FAM227B: variants seen among roughly 807,000 people sequenced by gnomAD.
FAM227B encodes the protein family with sequence similarity 227 member B.
A neutral mutation model predicts 73.8 loss-of-function variants in FAM227B; 88 were observed. The ratio of observed to expected loss-of-function variants is 1.19; its 90% CI spans 1.00 to 1.42. The LOEUF (loss-of-function observed/expected upper bound fraction) is 1.42. Ranked by LOEUF, FAM227B falls within the 40% of genes most tolerant of loss-of-function variation. The pLI, the probability that FAM227B is intolerant of heterozygous loss-of-function variation, is 0.00. For missense variants in FAM227B, 632 were observed against 590.9 expected, an observed-to-expected ratio of 1.07 and a Z score of -0.72; for synonymous variants, 210 against 190.5, an observed-to-expected ratio of 1.10 and a Z score of -0.84.
intron 11 of FAM227B, chr15:49,422,731 T>C (rs1227958176): frequency 1.6e-6 from 2 of 1,287,660 alleles, no homozygotes; most frequent in Non-Finnish European, 1.1e-6. Context: ...ATATAATACA[T>C]AAAAATTGTA....
chr15:49,616,986 T>C (rs929839161), intron 1 of FAM227B, among the ~76,000 whole-genome samples: 3 of 152,164 alleles, frequency 2.0e-5, no homozygotes, highest in Non-Finnish European at 4.4e-5. Flanking sequence ...TTGTTGCTTT[T>C]CTTTAGTGCA....
At chr15:49,536,944 G>A (rs2070358561) in intron 10 of FAM227B, among the ~76,000 whole-genome samples, 1 of 151,930 alleles carries the variant, frequency 6.6e-6, no homozygotes, top group Admixed American at 6.6e-5. Context: ...CTAAATGTAA[G>A]ACACAAAGTC....
At chr15:49,545,765 A>G (rs1363715515) in intron 9 of FAM227B, among the ~76,000 whole-genome samples, 2 of 152,066 alleles carry the variant, frequency 1.3e-5, no homozygotes, top group African/African-American at 4.8e-5. Context: ...ATCATTCAGG[A>G]GCAGATTATT....
intron 11 of FAM227B, among the ~76,000 whole-genome samples, chr15:49,426,749 T>C (rs1426272507): frequency 1.3e-5 from 2 of 151,954 alleles, no homozygotes; most frequent in African/African-American, 4.8e-5. Flanking sequence ...CGCCCTATAT[T>C]GTTATAAATT....
chr15:49,372,936 A>T (rs2045940183), intron 11 of FAM227B, among the ~76,000 whole-genome samples: 2 of 152,268 alleles, frequency 1.3e-5, no homozygotes, highest in African/African-American at 4.8e-5. Context: ...GGGATTAAAG[A>T]ATTGGTTAGC....
chr15:49,477,349 T>C (rs375419919), intron 11 of FAM227B, among the ~76,000 whole-genome samples: 13 of 152,242 alleles, frequency 8.5e-5, no homozygotes, highest in African/African-American at 3.1e-4. Flanking sequence ...TTTTCTGCTC[T>C]CCTCAAGGCC....
chr15:49,485,848 A>G (rs1793404832), intron 11 of FAM227B: 9 of 152,088 alleles, frequency 5.9e-5, no homozygotes. Flanking sequence ...AAATTTAGTA[A>G]TTTTCTAATC....
chr15:49,474,048 G>A (rs1410842775), intron 11 of FAM227B, among the ~76,000 whole-genome samples: 1 of 151,958 alleles, frequency 6.6e-6, no homozygotes. Context: ...ATGTATTTTT[G>A]ATAGGCGAAC....
At chr15:49,393,328 G>A (rs2047344920) in intron 11 of FAM227B, among the ~76,000 whole-genome samples, 1 of 152,092 alleles carries the variant, frequency 6.6e-6, no homozygotes, top group Non-Finnish European at 1.5e-5. Flanking sequence ...GAGCCATTGT[G>A]CTCTAATGGG....
chr15:49,422,651 C>A, intron 11 of FAM227B: 1 of 1,117,130 alleles, frequency 9.0e-7, no homozygotes, highest in South Asian at 1.3e-5. Context: ...GGTAACTTGC[C>A]CGAAGTCATA....
intron 11 of FAM227B, among the ~76,000 whole-genome samples, chr15:49,454,608 A>G (rs1264545269): frequency 6.6e-6 from 1 of 152,020 alleles, no homozygotes; most frequent in Non-Finnish European, 1.5e-5. Context: ...TATTTATTTT[A>G]TTTTTTATAT....
intron 10 of FAM227B, 54 bp from the exon 11 acceptor site, chr15:49,508,402 T>G (rs955227617): frequency 2.1e-6 from 3 of 1,418,316 alleles, no homozygotes; most frequent in Non-Finnish European, 2.9e-6. Context: ...TGAAAATACC[T>G]TTTAATTTGT....
At chr15:49,477,347 T>C (rs2055438028) in intron 11 of FAM227B, among the ~76,000 whole-genome samples, 1 of 152,176 alleles carries the variant, frequency 6.6e-6, no homozygotes, top group Non-Finnish European at 1.5e-5. Context: ...CTTTTTCTGC[T>C]CTCCTCAAGG....
intron 3 of FAM227B, among the ~76,000 whole-genome samples, chr15:49,596,596 G>A (rs577244808): frequency 1.5e-4 from 23 of 151,964 alleles, no homozygotes; most frequent in African/African-American, 5.5e-4. Context: ...GTAACAACTG[G>A]CATGATGAAT....
chr15:49,519,469 C>A (rs2059627341), intron 10 of FAM227B, among the ~76,000 whole-genome samples: 1 of 152,206 alleles, frequency 6.6e-6, no homozygotes, highest in Non-Finnish European at 1.5e-5. Context: ...GCCTGGATAT[C>A]CAGGCATTTC....
intron 8 of FAM227B, 65 bp from the exon 9 acceptor site, chr15:49,568,411 G>A: frequency 1.6e-6 from 2 of 1,273,524 alleles, no homozygotes; most frequent in African/African-American, 3.0e-5. Flanking sequence ...TTTACATGAT[G>A]ACAGCAATTT....
intron 11 of FAM227B, among the ~76,000 whole-genome samples, chr15:49,505,298 G>C (rs2058494254): frequency 6.6e-6 from 1 of 152,052 alleles, no homozygotes; most frequent in Non-Finnish European, 1.5e-5. Flanking sequence ...TTTTGAGAGA[G>C]ATAGATGTTT....
chr15:49,506,801 C>T (rs2058618925), intron 11 of FAM227B, among the ~76,000 whole-genome samples: 1 of 151,652 alleles, frequency 6.6e-6, no homozygotes, highest in African/African-American at 2.4e-5. Context: ...ACACTTAAAG[C>T]AGTGCTTAGG....
Position 49,327,671 on chromosome 15 carries a change from A to G in FAM227B, c.*897T>C, listed in dbSNP as rs76127260. 1.5e-3 allele frequency: 399 copies of G among 258,964 alleles called. 8 individuals are homozygous for G. In the East Asian group the frequency reaches 0.02, roughly 13 times the overall value. The allele number at this position is 258,964 out of a possible 1,614,324, so 16.0% of individuals were successfully genotyped here. A position where few individuals can be genotyped will look rare whatever the true frequency, so the allele number is the denominator to read the frequency against. The stretch of plus-strand genomic sequence containing the variant: ...TTCAAGTGGCTACTTTATGGAATCA[A>G]TATTACAGTGGGTTATTGCCAGTCA... On this transcript the variant is annotated 3_prime_UTR_variant, in exon 16 of 16. Coordinates refer to ENST00000299338, the MANE Select transcript of FAM227B (RefSeq NM_152647.3).
Sources: allele counts gnomAD v4.1 joint callset (sites outside exome capture counted in the v4.1 genomes callset), GRCh38; gene constraint gnomAD v4.1.1; transcripts MANE v1.5; gene names NCBI Gene and HGNC (gene_info 2026-07-23, HGNC 2026-07-21).